The following KAZN variants were observed in gnomAD, a reference collection of about 807,000 sequenced individuals.
KAZN encodes kazrin, periplakin interacting protein.
KAZN carries 40 observed loss-of-function variants against 87.4 expected under a neutral mutation model. That is an observed-to-expected ratio of 0.46 (90% CI 0.36 to 0.60). The LOEUF (loss-of-function observed/expected upper bound fraction) is 0.60, where lower values mean the gene tolerates loss of function less well. Among genes scored for constraint, KAZN ranks in the 20% least tolerant of loss-of-function variants. The pLI, the probability that KAZN is intolerant of heterozygous loss-of-function variation, is 0.00. For synonymous variants in KAZN, 466 were observed against 458.3 expected (o/e 1.02, Z -0.22); for missense variants, 898 against 1,073.9 (o/e 0.84, Z 2.29).
intron 1 of KAZN, among the ~76,000 whole-genome samples, chr1:14,693,048 C>T (rs1641408318): frequency 2.0e-5 from 3 of 152,296 alleles, no homozygotes; most frequent in Middle Eastern, 3.4e-3. Context: ...AAATATGTCC[C>T]TGCTTCGACC....
chr1:14,783,334 G>C (rs1237106254), intron 1 of KAZN, among the ~76,000 whole-genome samples: 1 of 152,030 alleles, frequency 6.6e-6, no homozygotes, highest in East Asian at 1.9e-4. Flanking sequence ...ACCAGCAGGG[G>C]CTCCTTTTGC....
chr1:14,895,266 C>T (rs981764821), intron 1 of KAZN, among the ~76,000 whole-genome samples: 7 of 152,272 alleles, frequency 4.6e-5, no homozygotes, highest in Non-Finnish European at 1.0e-4. Context: ...CCCTGGCTCT[C>T]CCCTGCCGTG....
At chr1:14,530,490 C>T (rs1672147768) in intron 2 of KAZN, among the ~76,000 whole-genome samples, 1 of 152,092 alleles carries the variant, frequency 6.6e-6, no homozygotes, top group African/African-American at 2.4e-5. Context: ...GGAGGTGGGG[C>T]CTGGTGGGAG....
chr1:14,143,905 G>A (rs1242769442), intron 1 of KAZN, among the ~76,000 whole-genome samples: 1 of 151,952 alleles, frequency 6.6e-6, no homozygotes, highest in Admixed American at 6.6e-5. Context: ...TTGTGCAGAG[G>A]CAGGGTATTA....
chr1:15,109,876 T>C (rs567895729), intron 13 of KAZN, among the ~76,000 whole-genome samples: 1 of 152,130 alleles, frequency 6.6e-6, no homozygotes, highest in African/African-American at 2.4e-5. Flanking sequence ...TGTGTGTATG[T>C]GCATGTGTGT....
At chr1:14,212,508 A>AT (rs1334679230) in intron 2 of KAZN, among the ~76,000 whole-genome samples, 1 of 151,546 alleles carries the variant, frequency 6.6e-6, no homozygotes, top group Non-Finnish European at 1.5e-5. Flanking sequence ...GTAAAATGAG[A>AT]TTTTTGCTTG....
chr1:14,546,302 A>G (rs1387032837), intron 2 of KAZN, among the ~76,000 whole-genome samples: 1 of 152,238 alleles, frequency 6.6e-6, no homozygotes, highest in Non-Finnish European at 1.5e-5. Context: ...ACAGATGGAG[A>G]GAAAAGCTTC....
At chr1:14,945,230 G>C (rs1661620201) in intron 1 of KAZN, among the ~76,000 whole-genome samples, 1 of 152,226 alleles carries the variant, frequency 6.6e-6, no homozygotes, top group African/African-American at 2.4e-5. Context: ...TCCAGTGCTG[G>C]AGGCTGAGTT....
At chr1:14,399,552 C>T (rs780277624) in intron 2 of KAZN, among the ~76,000 whole-genome samples, 2 of 152,096 alleles carry the variant, frequency 1.3e-5, no homozygotes, top group African/African-American at 2.4e-5. Context: ...GGACCAATCC[C>T]AAGCTTTGAG....
chr1:14,140,698 C>T (rs1176930763), intron 1 of KAZN, among the ~76,000 whole-genome samples: 4 of 152,172 alleles, frequency 2.6e-5, no homozygotes, highest in Admixed American at 2.0e-4. Context: ...TGCTCCACCA[C>T]CCCCGCACCC....
intron 2 of KAZN, among the ~76,000 whole-genome samples, chr1:14,585,864 G>A (rs1001006649): frequency 6.6e-6 from 1 of 152,188 alleles, no homozygotes; most frequent in African/African-American, 2.4e-5. Context: ...GGGAAGATGG[G>A]CTTCTGCTGA....
chr1:14,569,291 C>CACCTCCTCT (rs557570391), intron 2 of KAZN, among the ~76,000 whole-genome samples: 91 of 150,828 alleles, frequency 6.0e-4, no homozygotes, highest in African/African-American at 2.2e-3. Context: ...ACCACAAAAC[C>CACCTCCTCT]ACCTCCTCTA....
At chr1:13,935,131 G>C (rs12033555) in intron 1 of KAZN, among the ~76,000 whole-genome samples, 5,152 of 152,076 alleles carry the variant, frequency 0.034, 369 homozygotes, top group East Asian at 0.32. Flanking sequence ...CAGCTACTCG[G>C]GAGGCTGAGG....
At chr1:14,814,502 C>T (rs1431282631) in intron 1 of KAZN, among the ~76,000 whole-genome samples, 2 of 152,258 alleles carry the variant, frequency 1.3e-5, no homozygotes, top group Non-Finnish European at 2.9e-5. Context: ...GCGTGAGCCA[C>T]TGCGCCTGGC....
chr1:14,417,383 G>A (rs1218956281), intron 2 of KAZN, among the ~76,000 whole-genome samples: 1 of 152,154 alleles, frequency 6.6e-6, no homozygotes, highest in Non-Finnish European at 1.5e-5. Flanking sequence ...CATTTCTCTG[G>A]CGGCTGATTT....
intron 2 of KAZN, among the ~76,000 whole-genome samples, chr1:14,580,415 C>T (rs753595116): frequency 1.3e-5 from 2 of 151,970 alleles, no homozygotes; most frequent in African/African-American, 4.8e-5. Context: ...GAGGAAGTTG[C>T]GGTGAGCCGA....
chr1:14,141,827 T>C (rs1021036931), intron 1 of KAZN, among the ~76,000 whole-genome samples: 1 of 152,180 alleles, frequency 6.6e-6, no homozygotes, highest in Non-Finnish European at 1.5e-5. Flanking sequence ...GCATGGATAA[T>C]GGCGTGTTTT....
intron 2 of KAZN, among the ~76,000 whole-genome samples, chr1:14,593,413 G>A (rs551917881): frequency 2.1e-4 from 32 of 152,256 alleles, no homozygotes; most frequent in Middle Eastern, 3.4e-3. Context: ...TGGCTCATTG[G>A]GTACATGCGG....
chr1:14,352,872 A>G (rs1658664661), intron 2 of KAZN, among the ~76,000 whole-genome samples: 1 of 152,258 alleles, frequency 6.6e-6, no homozygotes, highest in Non-Finnish European at 1.5e-5. Flanking sequence ...TAACAAATGA[A>G]AATCATTTAA....
Sources: gnomAD v4.1 joint callset for allele counts (sites outside exome capture counted in the v4.1 genomes callset) on GRCh38, gnomAD v4.1.1 for gene constraint, MANE v1.5 for transcripts, NCBI Gene and HGNC (gene_info 2026-07-23, HGNC 2026-07-21) for gene names.